Variants in HAPLN1 observed in about 807,000 individuals in gnomAD.
HAPLN1 encodes hyaluronan and proteoglycan link protein 1, also known as Cartilage link protein.
Under a neutral mutation model 36.5 loss-of-function variants are expected in HAPLN1, and 13 were observed. That is an observed-to-expected ratio of 0.36 (90% CI 0.23 to 0.57). The LOEUF (loss-of-function observed/expected upper bound fraction) is 0.57, where lower values mean the gene tolerates loss of function less well. Ranked by LOEUF, HAPLN1 falls within the 20% of genes least tolerant of loss-of-function variation. The probability of loss-of-function intolerance (pLI) is 0.83; values close to 1 mark genes in which losing one functional copy is unlikely to be tolerated. For missense variants in HAPLN1, 407 were observed against 439.7 expected, an observed-to-expected ratio of 0.93 and a Z score of 0.66; for synonymous variants, 202 against 169.8, an observed-to-expected ratio of 1.19 and a Z score of -1.48.
chr5:83,658,808 T>C (rs1750296934), intron 2 of HAPLN1, among the ~76,000 whole-genome samples: 1 of 152,126 alleles, frequency 6.6e-6, no homozygotes, highest in Non-Finnish European at 1.5e-5. Context: ...GCGTCCAGCC[T>C]TTACTGTTCT....
intron 3 of HAPLN1, among the ~76,000 whole-genome samples, chr5:83,646,702 G>A (rs1749887935): frequency 6.6e-6 from 1 of 152,232 alleles, no homozygotes. Context: ...CCTGTGGTGA[G>A]GGGTGAGGGA....
intron 1 of HAPLN1, among the ~76,000 whole-genome samples, chr5:83,693,542 A>G (rs1751325852): frequency 6.6e-6 from 1 of 151,434 alleles, no homozygotes; most frequent in South Asian, 2.1e-4. Flanking sequence ...AAAGGCAGAG[A>G]TTGTCAGGTT....
Position 83,661,197 on chromosome 5 carries a change from C to CATCTATATCTATATCTATATCTAT in HAPLN1, c.101-8397_101-8374dup, listed in dbSNP as rs143407538. Among the ~76,000 whole-genome samples, 664 of 148,242 alleles carry CATCTATATCTATATCTATATCTAT rather than the reference C, an allele frequency of 4.5e-3. 5 individuals carry two copies. Among genetic ancestry groups the CATCTATATCTATATCTATATCTAT allele is most frequent in the South Asian group, 0.012 (57 of 4,770 alleles). Reference sequence around the variant, plus strand: ...TTTCCACCTATGCCTATGTCTTTGTCATCTATATCTATATCTATATCTATA... The same window carrying CATCTATATCTATATCTATATCTAT: ...TTTCCACCTATGCCTATGTCTTTGTCATCTATATCTATATCTATATCTATATCTATATCTATATCTATATCTATA... On this transcript the variant is annotated intron_variant, in intron 2 of 4. Transcript: ENST00000274341.
rs1051110196 is a variant in HAPLN1 at position 83,640,670 on chromosome 5, C to A, written c.*826G>T. The A allele has an allele frequency of 1.3e-5, 2 of 152,072 alleles. No individual in the cohort carries two copies. Among genetic ancestry groups the A allele is most frequent in the African/African-American group, 2.4e-5 (1 of 41,430 alleles). The allele number at this position is 152,072 out of a possible 1,614,324, so 9.4% of individuals were successfully genotyped here. The stretch of plus-strand genomic sequence containing the variant: ...GTCCAGCAGTTTATCTATATAACTG[C>A]CCTGAGTAGATGCTAAATGCTGCTT... On this transcript the variant is annotated 3_prime_UTR_variant, in exon 5 of 5. Transcript: ENST00000274341.
At chr5:83,697,978 A>G (rs1266839315) in intron 1 of HAPLN1, among the ~76,000 whole-genome samples, 1 of 151,838 alleles carries the variant, frequency 6.6e-6, no homozygotes, top group Non-Finnish European at 1.5e-5. Context: ...ATCTTTTGGG[A>G]TGTCTTTTTA....
intron 1 of HAPLN1, among the ~76,000 whole-genome samples, chr5:83,697,936 C>G (rs1751429407): frequency 6.6e-6 from 1 of 151,998 alleles, no homozygotes; most frequent in Admixed American, 6.6e-5. Context: ...TGGATATATA[C>G]TAGCATAAGA....
intron 1 of HAPLN1, among the ~76,000 whole-genome samples, chr5:83,702,637 G>A (rs1419555276): frequency 6.6e-6 from 1 of 152,144 alleles, no homozygotes; most frequent in African/African-American, 2.4e-5. Flanking sequence ...AAAGTGGAAA[G>A]AAAAGGAAAT....
chr5:83,706,854 C>T (rs748379967), intron 1 of HAPLN1, among the ~76,000 whole-genome samples: 44 of 152,116 alleles, frequency 2.9e-4, no homozygotes, highest in Non-Finnish European at 5.3e-4. Flanking sequence ...CTCAAAATCT[C>T]CTTCAGCTGA....
intron 1 of HAPLN1, among the ~76,000 whole-genome samples, chr5:83,678,220 GGTGTGTGT>G (rs56962854): frequency 1.4e-5 from 2 of 142,534 alleles, no homozygotes; most frequent in African/African-American, 5.1e-5. Context: ...CTATAGTTTG[GGTGTGTGT>G]GTGTGTGTGT....
chr5:83,699,728 A>G (rs185506395), intron 1 of HAPLN1, among the ~76,000 whole-genome samples: 2 of 152,344 alleles, frequency 1.3e-5, no homozygotes, highest in Non-Finnish European at 2.9e-5. Context: ...GTGTAAACAA[A>G]TAAATACCTG....
At position 83,705,338 on chromosome 5, in the gene HAPLN1, C is replaced by T. The variant is rs151217404; in HGVS notation, c.-27+15451G>A. ...CTGGGAGGCGGAGATTTCAGTGAGCCGAGATCGCACCATTACACTCCAGCC... is the reference window on the plus strand; with the variant it reads ...CTGGGAGGCGGAGATTTCAGTGAGCTGAGATCGCACCATTACACTCCAGCC... On this transcript the variant is annotated intron_variant, in intron 1 of 4. Coordinates refer to ENST00000274341, the MANE Select transcript of HAPLN1 (RefSeq NM_001884.4). Among the ~76,000 whole-genome samples the T allele has an allele frequency of 7.4e-3, 1,035 of 139,962 alleles. 18 individuals carry two copies. The highest frequency in any genetic ancestry group is 0.027 in the African/African-American group (996 of 36,928). 91.8% of individuals were successfully genotyped at this position (139,962 alleles called of 152,430 possible).
chr5:83,654,797 T>C (rs1021748282), intron 2 of HAPLN1, among the ~76,000 whole-genome samples: 11 of 152,230 alleles, frequency 7.2e-5, no homozygotes, highest in African/African-American at 2.4e-4. Context: ...TAATGTGACA[T>C]AGACCTTGGT....
chr5:83,690,563 T>G (rs1751246249), intron 1 of HAPLN1, among the ~76,000 whole-genome samples: 1 of 152,022 alleles, frequency 6.6e-6, no homozygotes, highest in Non-Finnish European at 1.5e-5. Context: ...GTTAATTCTA[T>G]TTTCACAGAT....
chr5:83,713,655 G>T (rs1410793620), intron 1 of HAPLN1, among the ~76,000 whole-genome samples: 1 of 152,104 alleles, frequency 6.6e-6, no homozygotes, highest in Non-Finnish European at 1.5e-5. Flanking sequence ...TGTCCTGTTG[G>T]CACTTCTTCC....
intron 1 of HAPLN1, among the ~76,000 whole-genome samples, chr5:83,681,361 A>T (rs976911306): frequency 2.0e-5 from 3 of 152,184 alleles, no homozygotes; most frequent in Admixed American, 6.5e-5. Flanking sequence ...ATTTTGTCTG[A>T]AACATTCTAA....
Position 83,641,653 on chromosome 5 carries a change from C to T in HAPLN1, c.908G>A (p.Arg303His), listed in dbSNP as rs772034939. Residue 303 changes from arginine to histidine, a missense_variant, in exon 5 of 5, where the codon CGC (arginine) becomes CAC (histidine). By Grantham distance (29) the Arg-to-His change is conservative. Coordinates refer to ENST00000274341, the MANE Select transcript of HAPLN1 (RefSeq NM_001884.4). ...FAAWKILGYD[R>H]CDAGWLADGS... is the part of the protein sequence containing the mutation. ...ATCCGCCAACCAGCCCGCATCACAG[C>T]GGTCATATCCGAGAATTTTCCAGGC... The T allele has an allele frequency of 4.3e-6, 7 of 1,614,170 alleles. No homozygotes were observed. Among genetic ancestry groups the T allele is most frequent in the South Asian group, 1.1e-5 (1 of 91,076 alleles).
At chr5:83,672,321 A>C (rs1750749356) in intron 2 of HAPLN1, among the ~76,000 whole-genome samples, 1 of 152,176 alleles carries the variant, frequency 6.6e-6, no homozygotes, top group African/African-American at 2.4e-5. Flanking sequence ...TCTTTGGGAA[A>C]CAGCTCTGAT....
rs192244198 is a variant in HAPLN1 at position 83,702,283 on chromosome 5, T to C, written c.-27+18506A>G. Among the ~76,000 whole-genome samples the C allele has an allele frequency of 6.1e-3, 929 of 152,324 alleles. 10 individuals carry two copies. Among genetic ancestry groups the C allele is most frequent in the African/African-American group, 0.022 (894 of 41,572 alleles). On this transcript the variant is annotated intron_variant, in intron 1 of 4. Transcript: ENST00000274341. ...GCCTGCCTTTCATGGCTTAAAAAAA[T>C]AGATATAACATTGTCAAATATCCGG...
intron 3 of HAPLN1, among the ~76,000 whole-genome samples, chr5:83,645,376 A>T (rs1749828691): frequency 1.3e-5 from 2 of 152,008 alleles, no homozygotes; most frequent in South Asian, 4.1e-4. Flanking sequence ...CATGAGCCAC[A>T]TGTGGCCCAG....
Sources: gnomAD v4.1 joint callset for allele counts (sites outside exome capture counted in the v4.1 genomes callset) on GRCh38, gnomAD v4.1.1 for gene constraint, MANE v1.5 for transcripts, NCBI Gene and HGNC (gene_info 2026-07-23, HGNC 2026-07-21) for gene names.